TRIO: variants seen among roughly 807,000 people sequenced by gnomAD.
TRIO encodes trio Rho guanine nucleotide exchange factor.
Under a neutral mutation model 351.9 loss-of-function variants are expected in TRIO, and 58 were observed. The ratio of observed to expected loss-of-function variants is 0.16; its 90% CI spans 0.13 to 0.21. The LOEUF is 0.21. TRIO is among the 10% of genes least tolerant of loss of function. The probability of loss-of-function intolerance (pLI) is 1.00; values close to 1 mark genes in which losing one functional copy is unlikely to be tolerated. For synonymous variants in TRIO, 1,758 were observed against 1,595.7 expected (o/e 1.10, Z -2.42); for missense variants, 3,201 against 4,027.8 (o/e 0.79, Z 5.56).
chr5:14,220,471 G>A (rs1489126670), intron 1 of TRIO, among the ~76,000 whole-genome samples: 1 of 152,202 alleles, frequency 6.6e-6, no homozygotes, highest in African/African-American at 2.4e-5. Context: ...CATCTCTCAT[G>A]TTAAATCAAA....
At chr5:14,295,988 T>C (rs936019037) in intron 6 of TRIO, among the ~76,000 whole-genome samples, 2 of 152,132 alleles carry the variant, frequency 1.3e-5, no homozygotes, top group African/African-American at 4.8e-5. Flanking sequence ...TGAAAGAAGA[T>C]ACAAAGAAAT....
At chr5:14,499,974 C>G (rs1003673653) in intron 53 of TRIO, among the ~76,000 whole-genome samples, 1 of 150,824 alleles carries the variant, frequency 6.6e-6, no homozygotes, top group Non-Finnish European at 1.5e-5. Context: ...TCACTTGAAC[C>G]CAGGAGGCAG....
intron 9 of TRIO, among the ~76,000 whole-genome samples, chr5:14,329,655 C>A (rs184840594): frequency 1.3e-5 from 2 of 152,296 alleles, no homozygotes; most frequent in Admixed American, 1.3e-4. Flanking sequence ...TATGAGTGAA[C>A]CTTCAATACT....
chr5:14,207,316 TCTCACA>T (rs1236982289), intron 1 of TRIO, among the ~76,000 whole-genome samples: 1 of 9,130 alleles, frequency 1.1e-4, no homozygotes, highest in Non-Finnish European at 2.2e-4. Context: ...CAAGACTGTC[TCTCACA>T]CACACACACA....
chr5:14,384,505 G>C (rs939000199), intron 21 of TRIO, among the ~76,000 whole-genome samples: 3 of 152,110 alleles, frequency 2.0e-5, no homozygotes, highest in African/African-American at 7.2e-5. Context: ...AATAGAATAA[G>C]AATGAAAATC....
intron 44 of TRIO, 62 bp from the exon 45 acceptor site, chr5:14,481,479 G>A (rs1755510127): frequency 6.3e-7 from 1 of 1,583,978 alleles, no homozygotes; most frequent in Non-Finnish European, 8.7e-7. Context: ...GTCAGAGGGT[G>A]AGCACGTCAG....
chr5:14,406,722 TG>T (rs879863315), intron 33 of TRIO, 50 bp downstream of exon 33: 5 of 1,566,254 alleles, frequency 3.2e-6, no homozygotes, highest in Non-Finnish European at 4.4e-6. Flanking sequence ...GGCCAGTCTC[TG>T]GTCAAAGCAG....
chr5:14,375,351 T>C (rs993493982), intron 19 of TRIO, among the ~76,000 whole-genome samples: 19 of 151,964 alleles, frequency 1.3e-4, no homozygotes, highest in African/African-American at 4.6e-4. Context: ...CATTTGTTGG[T>C]TGTGTCCTGT....
rs76461482 is a variant in TRIO at position 14,404,908 on chromosome 5, A to T, written c.4717-940A>T. 7.8e-3 allele frequency among the ~76,000 whole-genome samples: 1,187 copies of T among 152,282 alleles called. 29 individuals carry two copies. In the East Asian group the frequency reaches 0.085, roughly 11 times the overall value. On this transcript the variant is annotated intron_variant, in intron 31 of 56. Coordinates refer to ENST00000344204, the MANE Select transcript of TRIO (RefSeq NM_007118.4). ...TTCAAAAACAGGATACACAGTGAGAAATGCTGGGCGCTCCCCACTTTGTGA... is the reference window on the plus strand; with the variant it reads ...TTCAAAAACAGGATACACAGTGAGATATGCTGGGCGCTCCCCACTTTGTGA...
At chr5:14,366,708 C>A in intron 15 of TRIO, 152 bp from the exon 16 acceptor site, 2 of 1,110,170 alleles carry the variant, frequency 1.8e-6, no homozygotes, top group Non-Finnish European at 2.6e-6. Flanking sequence ...GAACATCAGG[C>A]TGTTGCCTGG....
chr5:14,367,126 A>G, intron 16 of TRIO, 147 bp downstream of exon 16: 1 of 1,136,958 alleles, frequency 8.8e-7, no homozygotes, highest in Non-Finnish European at 1.2e-6. Context: ...CAACGCTTCT[A>G]AGTCTGCAGC....
chr5:14,396,954 C>A, intron 28 of TRIO, 89 bp from the exon 29 acceptor site: 1 of 1,107,408 alleles, frequency 9.0e-7, no homozygotes, highest in Non-Finnish European at 1.3e-6. Context: ...ATCTTGAAAG[C>A]CATGGGCTTT....
intron 34 of TRIO, among the ~76,000 whole-genome samples, chr5:14,431,233 C>T (rs955989129): frequency 2.1e-4 from 32 of 152,282 alleles, no homozygotes; most frequent in African/African-American, 3.8e-4. Context: ...GCTTCTGAGA[C>T]GTGTTCAGGG....
intron 32 of TRIO, chr5:14,406,245 C>T: frequency 3.4e-6 from 2 of 584,218 alleles, no homozygotes; most frequent in East Asian, 3.0e-5. Context: ...GAGCACCATA[C>T]AGGGCACATG....
chr5:14,495,852 C>G (rs973416635), intron 49 of TRIO, among the ~76,000 whole-genome samples: 1 of 152,062 alleles, frequency 6.6e-6, no homozygotes, highest in Non-Finnish European at 1.5e-5. Flanking sequence ...CCTGTAGTCC[C>G]AGTTACTTGG....
chr5:14,492,839 C>A (rs777829552), intron 49 of TRIO, 25 bp downstream of exon 49: 4 of 1,606,764 alleles, frequency 2.5e-6, no homozygotes, highest in Non-Finnish European at 3.4e-6. Flanking sequence ...GTAACGGCGT[C>A]CTGGCAGGCA....
At chr5:14,475,165 C>T (rs2126571461) in intron 40 of TRIO, among the ~76,000 whole-genome samples, 1 of 152,300 alleles carries the variant, frequency 6.6e-6, no homozygotes, top group East Asian at 1.9e-4. Context: ...CTTTAAAAAT[C>T]CTTAATCATC....
chr5:14,498,531 G>T lies in TRIO; in HGVS notation c.8223G>T (p.Glu2741Asp). 6.2e-7 allele frequency: 1 copy of T among 1,614,084 alleles called. No homozygotes were observed. The highest frequency in any genetic ancestry group is 8.5e-7 in the Non-Finnish European group (1 of 1,179,918). ...ATCTGTGCCGCAGTGACCTGGGAGAGGCCACGCTGAAGATTGTGGGCGTGA... is the reference window on the plus strand; with the variant it reads ...ATCTGTGCCGCAGTGACCTGGGAGATGCCACGCTGAAGATTGTGGGCGTGA... ...HYSISYSDLG[E>D]ATLKIVGVTT... The change falls in exon 53 of 57, where the codon GAG (glutamate) becomes GAT (aspartate). Residue 2741 changes from glutamate (E) to aspartate (D), a missense_variant. This residue lies in a region of TRIO where 1,089 missense variants were observed against 954.9 expected (regional missense o/e 1.14). Transcript: ENST00000344204.
chr5:14,256,639 G>T (rs1795037092), intron 1 of TRIO, among the ~76,000 whole-genome samples: 1 of 152,202 alleles, frequency 6.6e-6, no homozygotes, highest in Non-Finnish European at 1.5e-5. Context: ...GTAGCTGAAA[G>T]AATTAGAAGG....
Sources: allele counts gnomAD v4.1 joint callset (sites outside exome capture counted in the v4.1 genomes callset), GRCh38; gene constraint gnomAD v4.1.1; regional missense constraint gnomAD v4.1.1; transcripts MANE v1.5; gene names NCBI Gene and HGNC (gene_info 2026-07-23, HGNC 2026-07-21).